Variants in LRPPRC observed in about 807,000 individuals in gnomAD.
The protein encoded by LRPPRC is leucine-rich PPR motif-containing protein, mitochondrial.
In LRPPRC, 120 loss-of-function variants were observed where a neutral mutation model predicts 180.3. The observed-to-expected ratio is 0.67, with a 90% CI of 0.57 to 0.77. The LOEUF is 0.77. Among genes scored for constraint, LRPPRC ranks in the 30% least tolerant of loss-of-function variants. LRPPRC has a pLI of 0.00. For missense variants in LRPPRC, 2,012 were observed against 1,657.2 expected (o/e 1.21, Z -3.72); for synonymous variants, 723 against 600.0 (o/e 1.21, Z -3.00).
Position 43,940,580 on chromosome 2 carries a change from T to A in LRPPRC, c.2504+3107A>T, listed in dbSNP as rs1270618251. ...AAACCAGCACAAAAAAAATCCTTAATGGAAAGCAGAAATTAAAGCTGCTTT... is the reference window on the plus strand; with the variant it reads ...AAACCAGCACAAAAAAAATCCTTAAAGGAAAGCAGAAATTAAAGCTGCTTT... On this transcript the variant is annotated intron_variant, in intron 23 of 37. Transcript: ENST00000260665. Among the ~76,000 whole-genome samples, 4 of 152,142 alleles carry A rather than the reference T, an allele frequency of 2.6e-5. No homozygotes were observed. In the East Asian group the frequency reaches 7.7e-4, roughly 29 times the overall value.
Position 43,908,498 on chromosome 2 carries a change from A to C in LRPPRC, c.3276-2718T>G, listed in dbSNP as rs555317481. Among the ~76,000 whole-genome samples, 79 of 152,300 alleles carry C rather than the reference A, an allele frequency of 5.2e-4. No homozygotes were observed. The South Asian group carries it at 0.016, about 31-fold the overall frequency. Reference sequence around the variant, plus strand: ...CACATTAGATGACAACAAAGGCAAAATAAAAATGATATTTTTTTTAATTCA... The same window carrying C: ...CACATTAGATGACAACAAAGGCAAACTAAAAATGATATTTTTTTTAATTCA... On this transcript the variant is annotated intron_variant, in intron 30 of 37. Transcript: ENST00000260665.
intron 13 of LRPPRC, chr2:43,959,277 T>C: frequency 2.8e-6 from 2 of 703,572 alleles, no homozygotes; most frequent in Non-Finnish European, 5.3e-6. Flanking sequence ...CAGCCAGCAA[T>C]AATACTCAAT....
chr2:43,896,676 A>T lies in LRPPRC; in HGVS notation c.3858T>A (p.Ile1286=). The T allele has an allele frequency of 6.2e-7, 1 of 1,612,826 alleles. No individual in the cohort carries two copies. Among genetic ancestry groups the T allele is most frequent in the Non-Finnish European group, 8.5e-7 (1 of 1,178,878 alleles). Residue 1286 remains isoleucine, a synonymous_variant, in exon 35 of 38, where the codon ATT becomes ATA. Coordinates refer to ENST00000260665, the MANE Select transcript of LRPPRC (RefSeq NM_133259.4). ...AATTCCTAAGGAGGAACAACAACAA[A>T]ATCGGGGTTTGTTCAGCAATTGCAC... The part of the protein sequence containing the change: ...RCGAIAEQTP[I]LLLFLLRNSR...
rs1484137629 is a variant in LRPPRC, at chr2:43,995,850, C to T, written c.98G>A (p.Arg33Gln). Residue 33 changes from arginine to glutamine, a missense_variant, in exon 1 of 38, where the codon CGG becomes CAG. Coordinates refer to ENST00000260665, the MANE Select transcript of LRPPRC (RefSeq NM_133259.4). ...SLRLLPGGPG[R>Q]LHAASYLPAA... Reference sequence around the variant, plus strand: ...GGGCAGATAGGAGGCGGCATGCAGCCGGCCCGGGCCGCCAGGGAGGAGGCG... The same window carrying T: ...GGGCAGATAGGAGGCGGCATGCAGCTGGCCCGGGCCGCCAGGGAGGAGGCG... 1.4e-6 allele frequency: 2 copies of T among 1,474,870 alleles called. No homozygotes were observed. The highest frequency in any genetic ancestry group is 2.4e-5 in the Admixed American group (1 of 41,612). 91.4% of individuals were successfully genotyped at this position (1,474,870 alleles called of 1,614,324 possible). A position where few individuals can be genotyped will look rare whatever the true frequency, so the allele number is the denominator to read the frequency against.
intron 1 of LRPPRC, among the ~76,000 whole-genome samples, chr2:43,983,822 T>G (rs1674414152): frequency 6.6e-6 from 1 of 152,180 alleles, no homozygotes; most frequent in Admixed American, 6.5e-5. Context: ...AGGTTTCACC[T>G]CAAGTTTATA....
intron 1 of LRPPRC, among the ~76,000 whole-genome samples, chr2:43,993,713 C>G (rs897795970): frequency 1.4e-5 from 2 of 147,758 alleles, no homozygotes; most frequent in South Asian, 2.1e-4. Flanking sequence ...AAGTCCTGCT[C>G]TCATATAGCT....
At chr2:43,994,659 A>T (rs970725687) in intron 1 of LRPPRC, among the ~76,000 whole-genome samples, 1 of 152,168 alleles carries the variant, frequency 6.6e-6, no homozygotes, top group Non-Finnish European at 1.5e-5. Context: ...GAGCTCTCAA[A>T]GTACCTTAAT....
chr2:43,961,528 A>G (rs1673347394), intron 12 of LRPPRC, among the ~76,000 whole-genome samples: 1 of 152,220 alleles, frequency 6.6e-6, no homozygotes, highest in South Asian at 2.1e-4. Flanking sequence ...ATGCTAAGCA[A>G]TGACTATCTC....
At chr2:43,932,716 G>A (rs764808860) in intron 25 of LRPPRC, among the ~76,000 whole-genome samples, 6 of 152,154 alleles carry the variant, frequency 3.9e-5, no homozygotes, top group Non-Finnish European at 5.9e-5. Context: ...AAACATGCAA[G>A]CTGCTTTACA....
At chr2:43,965,675 C>A (rs1006437591) in intron 11 of LRPPRC, among the ~76,000 whole-genome samples, 51 of 152,056 alleles carry the variant, frequency 3.4e-4, no homozygotes, top group Non-Finnish European at 2.6e-4. Flanking sequence ...AGCAAAAAAA[C>A]CCCAAATAAT....
intron 2 of LRPPRC, among the ~76,000 whole-genome samples, chr2:43,980,271 T>G (rs1022985326): frequency 2.0e-5 from 3 of 152,148 alleles, no homozygotes; most frequent in South Asian, 2.1e-4. Context: ...CAGTATCTTA[T>G]GAAAACAGTA....
At chr2:43,995,733 C>G in intron 1 of LRPPRC, 66 bp downstream of exon 1, 2 of 1,325,348 alleles carry the variant, frequency 1.5e-6, no homozygotes, top group Non-Finnish European at 1.9e-6. Context: ...CGGTCCCTGC[C>G]GGCACCCACG....
At chr2:43,987,536 C>G (rs1368144489) in intron 1 of LRPPRC, among the ~76,000 whole-genome samples, 1 of 150,672 alleles carries the variant, frequency 6.6e-6, no homozygotes, top group Non-Finnish European at 1.5e-5. Flanking sequence ...TCAAATTTCT[C>G]CACTGCAACC....
intron 1 of LRPPRC, 52 bp from the exon 2 acceptor site, chr2:43,982,486 T>C: frequency 7.2e-7 from 1 of 1,388,518 alleles, no homozygotes; most frequent in Non-Finnish European, 1.0e-6. Context: ...ATTTAGGTCA[T>C]TTTTTGAACA....
At chr2:43,904,156 G>A (rs1670983243) in intron 31 of LRPPRC, among the ~76,000 whole-genome samples, 1 of 152,018 alleles carries the variant, frequency 6.6e-6, no homozygotes, top group Non-Finnish European at 1.5e-5. Context: ...TGCCCAGGCT[G>A]GTCTTGAACT....
chr2:43,958,910 AT>A, intron 13 of LRPPRC: 1 of 299,552 alleles, frequency 3.3e-6, no homozygotes, highest in Non-Finnish European at 6.1e-6. Flanking sequence ...ACTTCTTGGC[AT>A]TTTTCTTTTT....
At chr2:43,890,186 CACAAACTGAAGTCCTCAGTTATAAA>C (rs1670436412) in intron 36 of LRPPRC, 1 of 417,002 alleles carries the variant, frequency 2.4e-6, no homozygotes, top group East Asian at 5.9e-5. Flanking sequence ...TTCAAGTGAC[CACAAACTGAAGTCCTCAGTTATAAA>C]ATAATACACA....
intron 34 of LRPPRC, among the ~76,000 whole-genome samples, chr2:43,897,101 G>A (rs1218359545): frequency 6.6e-6 from 1 of 152,196 alleles, no homozygotes. Flanking sequence ...TTAATAAGGT[G>A]TCAGGGAGAT....
chr2:43,966,195 C>G (rs1009483912), intron 11 of LRPPRC, among the ~76,000 whole-genome samples: 1 of 151,504 alleles, frequency 6.6e-6, no homozygotes, highest in African/African-American at 2.4e-5. Context: ...GTGAAATAAG[C>G]CAGATACAGA....
Sources: allele counts gnomAD v4.1 joint callset (sites outside exome capture counted in the v4.1 genomes callset), GRCh38; gene constraint gnomAD v4.1.1; transcripts MANE v1.5; gene names NCBI Gene and HGNC (gene_info 2026-07-23, HGNC 2026-07-21).